The following NR6A1 variants were observed in gnomAD, a reference collection of about 807,000 sequenced individuals.
The protein encoded by NR6A1 is retinoic acid receptor-related testis-associated receptor.
Under a neutral mutation model 59.1 loss-of-function variants are expected in NR6A1, and 7 were observed. The observed-to-expected ratio is 0.12, with a 90% CI of 0.07 to 0.22. The LOEUF (loss-of-function observed/expected upper bound fraction) is 0.22. NR6A1 is among the 10% of genes least tolerant of loss of function. NR6A1 has a pLI of 1.00. For synonymous variants in NR6A1, 243 were observed against 236.1 expected (o/e 1.03, Z -0.27); for missense variants, 468 against 611.6 (o/e 0.77, Z 2.48).
At chr9:124,691,596 T>G (rs1416144506) in intron 2 of NR6A1, among the ~76,000 whole-genome samples, 1 of 152,232 alleles carries the variant, frequency 6.6e-6, no homozygotes, top group Non-Finnish European at 1.5e-5. Context: ...TATAATGTAC[T>G]GGTATCGTTT....
At chr9:124,707,737 T>A (rs1839175355) in intron 2 of NR6A1, among the ~76,000 whole-genome samples, 1 of 152,200 alleles carries the variant, frequency 6.6e-6, no homozygotes, top group Non-Finnish European at 1.5e-5. Context: ...AATGTGTAGT[T>A]CCTGATGGCT....
rs35704226 is a variant in NR6A1 at position 124,700,754 on chromosome 9, CTTTT to C, written c.142+32550_142+32553del. On this transcript the variant is annotated intron_variant, in intron 2 of 9. Transcript: ENST00000487099. The stretch of plus-strand genomic sequence containing the variant: ...TGCTATCAATAAACATTTACATAGC[CTTTT>C]TTTTTTTTTTTTTTTTTTTTGAGAC... Among the ~76,000 whole-genome samples, 396 of 91,310 alleles carry C rather than the reference CTTTT, an allele frequency of 4.3e-3. 2 individuals carry two copies. Among genetic ancestry groups the C allele is most frequent in the African/African-American group, 0.02 (370 of 18,972 alleles). The allele number at this position is 91,310 out of a possible 152,430, so 59.9% of individuals were successfully genotyped here.
chr9:124,545,045 C>T (rs1040032584), intron 3 of NR6A1, among the ~76,000 whole-genome samples: 2 of 152,184 alleles, frequency 1.3e-5, no homozygotes, highest in African/African-American at 4.8e-5. Flanking sequence ...CAGGCAGGGA[C>T]TGATTGCCTC....
intron 2 of NR6A1, among the ~76,000 whole-genome samples, chr9:124,691,668 T>A (rs1838547603): frequency 1.3e-5 from 2 of 152,204 alleles, no homozygotes; most frequent in Non-Finnish European, 2.9e-5. Flanking sequence ...TAAGAAGAAA[T>A]GCAAGCTTTA....
chr9:124,570,877 GA>G (rs925356321), intron 2 of NR6A1, among the ~76,000 whole-genome samples: 1 of 152,188 alleles, frequency 6.6e-6, no homozygotes, highest in Non-Finnish European at 1.5e-5. Flanking sequence ...TTTGAAGTTG[GA>G]AGTATAAAGC....
intron 2 of NR6A1, among the ~76,000 whole-genome samples, chr9:124,689,558 C>G (rs1838456827): frequency 6.6e-6 from 1 of 152,170 alleles, no homozygotes; most frequent in Non-Finnish European, 1.5e-5. Context: ...CTTTCAGATA[C>G]ATAACCTTAT....
intron 1 of NR6A1, among the ~76,000 whole-genome samples, chr9:124,748,783 T>C (rs1840410110): frequency 6.7e-6 from 1 of 150,254 alleles, no homozygotes. Flanking sequence ...GAGAATGGCA[T>C]GAACCCGGGA....
intron 2 of NR6A1, among the ~76,000 whole-genome samples, chr9:124,732,120 T>C (rs1839901294): frequency 6.6e-6 from 1 of 152,208 alleles, no homozygotes; most frequent in African/African-American, 2.4e-5. Context: ...AACATGGACA[T>C]TTATACTAAT....
chr9:124,711,522 G>A (rs77770150), intron 2 of NR6A1, among the ~76,000 whole-genome samples: 5,638 of 151,470 alleles, frequency 0.037, 336 homozygotes, highest in African/African-American at 0.13. Context: ...CAAAAATGGC[G>A]AGGAGCCATT....
intron 2 of NR6A1, among the ~76,000 whole-genome samples, chr9:124,572,313 G>T (rs2131433721): frequency 6.6e-6 from 1 of 152,276 alleles, no homozygotes; most frequent in Admixed American, 6.5e-5. Context: ...TTTGCCTCAA[G>T]GCTCCAATAA....
Position 124,728,622 on chromosome 9 carries a change from G to A in NR6A1, c.142+4686C>T, listed in dbSNP as rs182055374. Among the ~76,000 whole-genome samples the A allele has an allele frequency of 8.8e-3, 1,254 of 141,808 alleles. 15 individuals are homozygous for A. The highest frequency in any genetic ancestry group is 0.035 in the African/African-American group (1,196 of 34,566). 93.0% of individuals were successfully genotyped at this position (141,808 alleles called of 152,430 possible). ...TGCACTCTAGCCTGGGTGACAGAGCGAGACTCCGCCTCAAAAAATAAATAA... is the reference window on the plus strand; with the variant it reads ...TGCACTCTAGCCTGGGTGACAGAGCAAGACTCCGCCTCAAAAAATAAATAA... On this transcript the variant is annotated intron_variant, in intron 2 of 9. Transcript: ENST00000487099.
At chr9:124,717,492 T>C (rs1410823138) in intron 2 of NR6A1, among the ~76,000 whole-genome samples, 1 of 152,144 alleles carries the variant, frequency 6.6e-6, no homozygotes, top group African/African-American at 2.4e-5. Flanking sequence ...CATATATACA[T>C]GACATTTTAG....
intron 2 of NR6A1, among the ~76,000 whole-genome samples, chr9:124,707,934 G>A (rs539089414): frequency 7.9e-5 from 12 of 152,216 alleles, no homozygotes; most frequent in East Asian, 3.9e-4. Context: ...AGGCCTTCAC[G>A]TCTGTTCCAG....
In NR6A1 at chr9:124,759,473, G is replaced by A. The variant is rs150913519; in HGVS notation, c.100+11547C>T. Among the ~76,000 whole-genome samples, 236 of 152,284 alleles carry A rather than the reference G, an allele frequency of 1.5e-3. 2 individuals are homozygous for A. The highest frequency in any genetic ancestry group is 5.6e-3 in the African/African-American group (232 of 41,562). On this transcript the variant is annotated intron_variant, in intron 1 of 9. Coordinates refer to ENST00000487099, the MANE Select transcript of NR6A1 (RefSeq NM_033334.4). Reference sequence around the variant, plus strand: ...ATATTGGCCCCAATTTCCTCAAGTAGCTGAAAAGCACATTCCTTTCCCTTA... The same window carrying A: ...ATATTGGCCCCAATTTCCTCAAGTAACTGAAAAGCACATTCCTTTCCCTTA...
At chr9:124,734,083 T>C (rs540609462) in intron 1 of NR6A1, among the ~76,000 whole-genome samples, 1 of 152,366 alleles carries the variant, frequency 6.6e-6, no homozygotes, top group East Asian at 1.9e-4. Context: ...AATGGCTGCA[T>C]ACTTTCTTCT....
intron 2 of NR6A1, chr9:124,599,641 G>C (rs1197469405): frequency 6.0e-6 from 7 of 1,165,314 alleles, no homozygotes; most frequent in African/African-American, 1.7e-5. Context: ...GCGGCCTCTC[G>C]GCGACTACTC....
chr9:124,694,211 A>G lies in NR6A1; in HGVS notation c.142+39097T>C, dbSNP rs1361080262. On this transcript the variant is annotated intron_variant, in intron 2 of 9. Transcript: ENST00000487099. ...TAAACTTATTAAGATAATAAATATCATAACTAGAATTTATTTTATATCCTT... is the reference window on the plus strand; with the variant it reads ...TAAACTTATTAAGATAATAAATATCGTAACTAGAATTTATTTTATATCCTT... Among the ~76,000 whole-genome samples, 11 of 152,312 alleles carry G rather than the reference A, an allele frequency of 7.2e-5. No homozygotes were observed. In the South Asian group the frequency reaches 2.3e-3, roughly 32 times the overall value.
chr9:124,696,520 CTTTTTT>C (rs10625540), intron 2 of NR6A1, among the ~76,000 whole-genome samples: 3 of 105,004 alleles, frequency 2.9e-5, no homozygotes, highest in Non-Finnish European at 5.3e-5. Context: ...TGTTCTCTAG[CTTTTTT>C]TTTTTTTTTT....
chr9:124,522,682 C>A lies in NR6A1; in HGVS notation c.*23G>T. On this transcript the variant is annotated 3_prime_UTR_variant, in exon 10 of 10. Transcript: ENST00000487099. Reference sequence around the variant, plus strand: ...GCCCACCCAAGACGCTGTGGTTGGCCTGAGGAGGGCGCCTGGAACAGGTCA... The same window carrying A: ...GCCCACCCAAGACGCTGTGGTTGGCATGAGGAGGGCGCCTGGAACAGGTCA... 6.4e-6 allele frequency: 10 copies of A among 1,552,624 alleles called. No individual in the cohort carries two copies. Among genetic ancestry groups the A allele is most frequent in the Non-Finnish European group, 8.7e-6 (10 of 1,147,852 alleles).
Sources: gnomAD v4.1 joint callset for allele counts (sites outside exome capture counted in the v4.1 genomes callset) on GRCh38, gnomAD v4.1.1 for gene constraint, MANE v1.5 for transcripts, NCBI Gene and HGNC (gene_info 2026-07-23, HGNC 2026-07-21) for gene names.